STARD13: variants seen among roughly 807,000 people sequenced by gnomAD.
STARD13 encodes StAR related lipid transfer domain containing 13.
Under a neutral mutation model 106.4 loss-of-function variants are expected in STARD13, and 62 were observed. The observed-to-expected ratio is 0.58, with a 90% CI of 0.48 to 0.72. STARD13 has a LOEUF of 0.72. Ranked by LOEUF, STARD13 falls within the 30% of genes least tolerant of loss-of-function variation. The pLI, the probability that STARD13 is intolerant of heterozygous loss-of-function variation, is 0.00. For synonymous variants in STARD13, 565 were observed against 553.0 expected (o/e 1.02, Z -0.31); for missense variants, 1,387 against 1,424.0 (o/e 0.97, Z 0.42).
At chr13:33,356,604 A>G in the STARD13 span, among the ~76,000 whole-genome samples, 1 of 152,238 alleles carries the variant, frequency 6.6e-6, no homozygotes. Context: ...GGGGATTATA[A>G]TAATGCTTCC....
At chr13:33,308,190 G>A (rs1052642355) in intron 1 of STARD13, among the ~76,000 whole-genome samples, 4 of 152,150 alleles carry the variant, frequency 2.6e-5, no homozygotes, top group Admixed American at 6.5e-5. Flanking sequence ...TCATCATCAT[G>A]GTTTTAGAAT....
At chr13:33,470,072 C>T in the STARD13 span, among the ~76,000 whole-genome samples, 1 of 152,050 alleles carries the variant, frequency 6.6e-6, no homozygotes, top group South Asian at 2.1e-4. Context: ...CGACAGGCTC[C>T]ACTGTGTGAT....
chr13:33,419,337 C>T, the STARD13 span, among the ~76,000 whole-genome samples: 2 of 151,774 alleles, frequency 1.3e-5, no homozygotes, highest in African/African-American at 2.4e-5. Flanking sequence ...CTTCAATAGC[C>T]GATTCAATCA....
chr13:33,469,938 G>A, the STARD13 span, among the ~76,000 whole-genome samples: 1 of 151,970 alleles, frequency 6.6e-6, no homozygotes, highest in Admixed American at 6.6e-5. Flanking sequence ...TTTAAGTTTG[G>A]GGTACATGTG....
At chr13:33,308,468 T>G (rs976420330) in intron 1 of STARD13, among the ~76,000 whole-genome samples, 6 of 151,760 alleles carry the variant, frequency 4.0e-5, no homozygotes, top group African/African-American at 1.4e-4. Context: ...TTGTTTATTT[T>G]ATTTTTCTAA....
intron 3 of STARD13, chr13:33,155,461 T>C (rs527930070): frequency 6.6e-6 from 1 of 152,330 alleles, no homozygotes; most frequent in South Asian, 2.1e-4. Flanking sequence ...CTAATGTTTT[T>C]AATAATGCAA....
At chr13:33,589,745 C>T in the STARD13 span, among the ~76,000 whole-genome samples, 14 of 152,138 alleles carry the variant, frequency 9.2e-5, no homozygotes, top group South Asian at 2.1e-4. Context: ...GGAATAAGTG[C>T]GATGTGGTGC....
At chr13:33,601,182 C>T in the STARD13 span, among the ~76,000 whole-genome samples, 1 of 151,370 alleles carries the variant, frequency 6.6e-6, no homozygotes, top group African/African-American at 2.4e-5. Flanking sequence ...TAAATTCAAC[C>T]ATTTTTTTTC....
the STARD13 span, among the ~76,000 whole-genome samples, chr13:33,389,553 G>A: frequency 1.5e-4 from 23 of 152,056 alleles, no homozygotes; most frequent in Admixed American, 1.3e-3. Context: ...GTAATAATAT[G>A]GGTTTACAAT....
chr13:33,467,447 C>T, the STARD13 span, among the ~76,000 whole-genome samples: 1 of 152,236 alleles, frequency 6.6e-6, no homozygotes, highest in East Asian at 1.9e-4. Context: ...AAGCTTTGCT[C>T]ACTTGCCCAC....
At chr13:33,651,832 C>T in the STARD13 span, among the ~76,000 whole-genome samples, 12 of 152,292 alleles carry the variant, frequency 7.9e-5, no homozygotes, top group Non-Finnish European at 1.5e-4. Flanking sequence ...ACTCTGCTGG[C>T]GAAAGTAGAG....
the STARD13 span, among the ~76,000 whole-genome samples, chr13:33,465,597 A>G: frequency 1.3e-5 from 2 of 152,124 alleles, no homozygotes; most frequent in South Asian, 4.1e-4. Context: ...ATAGGTTCCC[A>G]TGGCATTCAG....
At chr13:33,416,024 T>A in the STARD13 span, among the ~76,000 whole-genome samples, 1 of 152,248 alleles carries the variant, frequency 6.6e-6, no homozygotes, top group African/African-American at 2.4e-5. Context: ...GTTGCAGTTT[T>A]CATTTGTATT....
the STARD13 span, among the ~76,000 whole-genome samples, chr13:33,494,427 C>T: frequency 4.6e-5 from 7 of 152,250 alleles, no homozygotes; most frequent in Non-Finnish European, 8.8e-5. Context: ...TAGCATGCTT[C>T]CCATAAATAT....
intron 1 of STARD13, among the ~76,000 whole-genome samples, chr13:33,179,936 G>A (rs1426898751): frequency 6.6e-6 from 1 of 152,216 alleles, no homozygotes; most frequent in Non-Finnish European, 1.5e-5. Flanking sequence ...TGAACTCACT[G>A]CCTTCTTGGA....
chr13:33,618,448 G>T, the STARD13 span, among the ~76,000 whole-genome samples: 1 of 152,104 alleles, frequency 6.6e-6, no homozygotes, highest in East Asian at 1.9e-4. Context: ...AAAAAATAAT[G>T]TTGAGAAAAG....
the STARD13 span, among the ~76,000 whole-genome samples, chr13:33,467,274 AG>A: frequency 6.6e-6 from 1 of 151,952 alleles, no homozygotes; most frequent in Non-Finnish European, 1.5e-5. Flanking sequence ...ACAGGTCATC[AG>A]GCATTAGATT....
chr13:33,107,228 G>C (rs1053520889), intron 12 of STARD13, among the ~76,000 whole-genome samples: 1 of 152,184 alleles, frequency 6.6e-6, no homozygotes, highest in African/African-American at 2.4e-5. Context: ...GCCCATTCTC[G>C]AAGAGGTGGT....
chr13:33,513,991 T>C, the STARD13 span, among the ~76,000 whole-genome samples: 1 of 152,210 alleles, frequency 6.6e-6, no homozygotes, highest in Non-Finnish European at 1.5e-5. Flanking sequence ...TAATAAAATA[T>C]ATCTAGAAAT....
Sources: allele counts gnomAD v4.1 joint callset (sites outside exome capture counted in the v4.1 genomes callset), GRCh38; gene constraint gnomAD v4.1.1; transcripts MANE v1.5; gene names NCBI Gene and HGNC (gene_info 2026-07-23, HGNC 2026-07-21).